The following CP variants were observed in gnomAD, a reference collection of about 807,000 sequenced individuals.
The protein encoded by CP is ceruloplasmin, also known as caeruloplasmin.
Under a neutral mutation model 122.4 loss-of-function variants are expected in CP, and 64 were observed. That is an observed-to-expected ratio of 0.52 (90% CI 0.43 to 0.64). CP has a LOEUF of 0.64. Among genes scored for constraint, CP ranks in the 30% least tolerant of loss-of-function variants. CP has a pLI of 0.00. For missense variants in CP, 1,167 were observed against 1,284.4 expected, an observed-to-expected ratio of 0.91 and a Z score of 1.40; for synonymous variants, 440 against 436.4, an observed-to-expected ratio of 1.01 and a Z score of -0.10.
In CP at chr3:149,199,880, G is replaced by T; in HGVS notation, c.1349-16C>A. The T allele has an allele frequency of 6.2e-7, 1 of 1,613,064 alleles. No homozygotes were observed. Among genetic ancestry groups the T allele is most frequent in the Non-Finnish European group, 8.5e-7 (1 of 1,179,090 alleles). On this transcript the variant is annotated splice_polypyrimidine_tract_variant and intron_variant, in intron 7 of 18. Transcript: ENST00000264613. ...ATGACAGGACCTGGGAACAAAGAGA[G>T]AATTATTATCCTTCCTTGGTATGTA... is the stretch of plus-strand genomic sequence containing the variant.
intron 10 of CP, among the ~76,000 whole-genome samples, 177 bp from the exon 11 acceptor site, chr3:149,186,909 A>G (rs1559941722): frequency 6.6e-6 from 1 of 152,190 alleles, no homozygotes; most frequent in African/African-American, 2.4e-5. Context: ...GGCATTTCAG[A>G]GCAGCCGCTG....
intron 14 of CP, 31 bp downstream of exon 14, chr3:149,181,974 G>GGGGGGGGGGGGGGGGGGGGCC: frequency 2.9e-6 from 4 of 1,356,690 alleles, no homozygotes; most frequent in African/African-American, 1.5e-5. Context: ...CTGTTAAAAT[G>GGGGGGGGGGGGGGGGGGGGCC]CACCACCCCC....
At chr3:149,195,875 A>AT (rs1302841970) in intron 9 of CP, among the ~76,000 whole-genome samples, 1 of 152,094 alleles carries the variant, frequency 6.6e-6, no homozygotes, top group Non-Finnish European at 1.5e-5. Context: ...CAAAAAAAAA[A>AT]AAAAAGAATA....
chr3:149,200,161 C>G (rs1162662942), intron 7 of CP: 1 of 394,186 alleles, frequency 2.5e-6, no homozygotes, highest in Non-Finnish European at 4.8e-6. Context: ...GTTGAGACTC[C>G]TCAGCCTAAT....
At chr3:149,164,094 T>G in intron 5 of CP, 1 of 587,010 alleles carries the variant, frequency 1.7e-6, no homozygotes, top group Non-Finnish European at 3.0e-6. Flanking sequence ...CTCAGGAGAC[T>G]TGGAGGGAAT....
Position 149,166,365 on chromosome 3 carries a change from G to A in CP, c.587-315C>T, listed in dbSNP as rs137926921. ...AGAAAATTTGGAAACTACAGGAAGGGGTGTAAAGAAAACAAAGAGTAGGCT... is the reference window on the plus strand; with the variant it reads ...AGAAAATTTGGAAACTACAGGAAGGAGTGTAAAGAAAACAAAGAGTAGGCT... On this transcript the variant is annotated intron_variant, in intron 4 of 5. Transcript: ENST00000479771. 7.4e-3 allele frequency among the ~76,000 whole-genome samples: 1,132 copies of A among 152,200 alleles called. 9 individuals are homozygous for A. The highest frequency in any genetic ancestry group is 0.013 in the Non-Finnish European group (904 of 68,000).
intron 10 of CP, among the ~76,000 whole-genome samples, chr3:149,187,309 T>TA (rs933736512): frequency 1.1e-4 from 16 of 151,734 alleles, no homozygotes; most frequent in Middle Eastern, 3.4e-3. Context: ...GTACCTAGCT[T>TA]AAAAAAAAAT....
chr3:149,169,504 A>T (rs1299487990), downstream of CP, among the ~76,000 whole-genome samples: 1 of 152,210 alleles, frequency 6.6e-6, no homozygotes. Context: ...TTATCTCTCT[A>T]ATACAGCATT....
chr3:149,208,459 A>AAACAAAATCTGTACTTTGTT (rs1727895711), intron 4 of CP, among the ~76,000 whole-genome samples: 1 of 152,196 alleles, frequency 6.6e-6, no homozygotes, highest in Non-Finnish European at 1.5e-5. Context: ...TAAAAGTTGG[A>AAACAAAATCTGTACTTTGTT]AACAAAATCT....
chr3:149,209,490 C>G (rs540476060), intron 3 of CP, 106 bp from the exon 4 acceptor site: 10 of 1,200,618 alleles, frequency 8.3e-6, no homozygotes, highest in Non-Finnish European at 3.5e-6. Context: ...TTTATTTTTT[C>G]GAATAAATCA....
intron 7 of CP, among the ~76,000 whole-genome samples, chr3:149,201,103 C>A (rs1327055769): frequency 7.3e-5 from 11 of 150,458 alleles, no homozygotes; most frequent in Admixed American, 7.3e-4. Context: ...TCATTAGTAG[C>A]CTGGGATTGA....
chr3:149,172,110 T>C, downstream of CP: 2 of 1,613,270 alleles, frequency 1.2e-6, no homozygotes, highest in Non-Finnish European at 1.7e-6. Flanking sequence ...TTGTCAATTG[T>C]TGCTGTGGAA....
chr3:149,166,587 A>G (rs926186973), intron 4 of CP, among the ~76,000 whole-genome samples: 1 of 152,130 alleles, frequency 6.6e-6, no homozygotes, highest in Admixed American at 6.5e-5. Context: ...TGGCTGTGTA[A>G]TGTTCCATTA....
intron 1 of CP, among the ~76,000 whole-genome samples, chr3:149,219,138 T>C (rs949247271): frequency 3.9e-5 from 6 of 152,132 alleles, no homozygotes; most frequent in African/African-American, 1.4e-4. Flanking sequence ...TGGTAAGATA[T>C]ATGGGGGAAA....
intron 6 of CP, among the ~76,000 whole-genome samples, chr3:149,205,112 A>G (rs1452740639): frequency 6.6e-6 from 1 of 151,952 alleles, no homozygotes; most frequent in African/African-American, 2.4e-5. Flanking sequence ...AAGATCCTCA[A>G]CATTACTAGT....
chr3:149,212,765 T>TG, intron 1 of CP, 67 bp from the exon 2 acceptor site: 1 of 1,531,372 alleles, frequency 6.5e-7, no homozygotes, highest in Non-Finnish European at 8.9e-7. Context: ...ATCATTATAA[T>TG]TTAATAACAT....
At chr3:149,181,937 G>T in intron 14 of CP, 68 bp downstream of exon 14, 2 of 1,545,492 alleles carry the variant, frequency 1.3e-6, no homozygotes, top group Admixed American at 1.7e-5. Context: ...TCTATGATGA[G>T]AGTAATCTGT....
At chr3:149,204,936 C>T (rs998471064) in intron 6 of CP, among the ~76,000 whole-genome samples, 2 of 152,008 alleles carry the variant, frequency 1.3e-5, no homozygotes, top group African/African-American at 4.8e-5. Context: ...TATAGAATGC[C>T]AGAAAATATT....
At chr3:149,187,435 C>T (rs1312724421) in intron 10 of CP, among the ~76,000 whole-genome samples, 2 of 152,134 alleles carry the variant, frequency 1.3e-5, no homozygotes, top group Admixed American at 1.3e-4. Context: ...GAGCTCTAAC[C>T]ACTTTTTAGA....
Sources: gnomAD v4.1 joint callset for allele counts (sites outside exome capture counted in the v4.1 genomes callset) on GRCh38, gnomAD v4.1.1 for gene constraint, MANE v1.5 for transcripts, NCBI Gene and HGNC (gene_info 2026-07-23, HGNC 2026-07-21) for gene names.